Variants in ZNF771 observed in about 807,000 individuals in gnomAD.
ZNF771 encodes the protein zinc finger protein 771.
In ZNF771, 10 loss-of-function variants were observed where a neutral mutation model predicts 27.6. The ratio of observed to expected loss-of-function variants is 0.36; its 90% CI spans 0.22 to 0.61. The LOEUF is 0.61. Ranked by LOEUF, ZNF771 falls within the 20% of genes least tolerant of loss-of-function variation. The pLI is 0.70. For synonymous variants in ZNF771, 261 were observed against 225.2 expected, an observed-to-expected ratio of 1.16 and a Z score of -1.43; for missense variants, 438 against 503.7, an observed-to-expected ratio of 0.87 and a Z score of 1.25.
Position 30,418,318 on chromosome 16 carries a change from C to T in ZNF771, c.905C>T (p.Ala302Val). ...CGRDFKLPPG[A>V]TAATATERCP... ...AGGGACTTCAAGCTGCCCCCTGGCG[C>T]CACGGCCGCCACTGCCACCGAGCGT... Residue 302 changes from alanine to valine, a missense_variant, in exon 3 of 3, where the codon GCC (alanine) becomes GTC (valine). Around this residue, in one of 3 missense-constraint regions of ZNF771, gnomAD observed 305 missense variants for 308.0 expected, o/e 0.99. Coordinates refer to ENST00000319296, the MANE Select transcript of ZNF771 (RefSeq NM_001142305.2). The T allele has an allele frequency of 6.7e-7, 1 of 1,482,714 alleles. No homozygotes were observed. 91.8% of individuals were successfully genotyped at this position (1,482,714 alleles called of 1,614,324 possible).
chr16:30,418,296 G>T lies in ZNF771; in HGVS notation c.883G>T (p.Asp295Tyr), dbSNP rs1301196345. Reference sequence around the variant, plus strand: ...GTATATTTGCGCCGGCTGCGGCAGGGACTTCAAGCTGCCCCCTGGCGCCAC... The same window carrying T: ...GTATATTTGCGCCGGCTGCGGCAGGTACTTCAAGCTGCCCCCTGGCGCCAC... ...RLYICAGCGR[D>Y]FKLPPGATAA... Residue 295 changes from aspartate to tyrosine, a missense_variant, in exon 3 of 3, where the codon GAC becomes TAC. Transcript: ENST00000319296. The T allele has an allele frequency of 6.7e-7, 1 of 1,502,790 alleles. No individual in the cohort carries two copies. Among genetic ancestry groups the T allele is most frequent in the Non-Finnish European group, 8.8e-7 (1 of 1,131,778 alleles). 93.1% of individuals were successfully genotyped at this position (1,502,790 alleles called of 1,614,324 possible). A position where few individuals can be genotyped will look rare whatever the true frequency, so the allele number is the denominator to read the frequency against.
intron 2 of ZNF771, among the ~76,000 whole-genome samples, chr16:30,412,445 G>A (rs1249842573): frequency 1.3e-5 from 2 of 152,154 alleles, no homozygotes; most frequent in African/African-American, 4.8e-5. Flanking sequence ...AAGGGGCCAG[G>A]GGAGGGAGAC....
intron 2 of ZNF771, among the ~76,000 whole-genome samples, chr16:30,409,684 G>T: frequency 6.6e-6 from 1 of 152,170 alleles, no homozygotes; most frequent in East Asian, 1.9e-4. Flanking sequence ...GAGGGGACTA[G>T]CTCCTTAGGC....
In ZNF771 at chr16:30,417,564, G is replaced by A; in HGVS notation, c.151G>A (p.Glu51Lys). 8.2e-7 allele frequency: 1 copy of A among 1,221,692 alleles called. No individual in the cohort carries two copies. Among genetic ancestry groups the A allele is most frequent in the Non-Finnish European group, 1.0e-6 (1 of 983,072 alleles). 75.7% of individuals were successfully genotyped at this position (1,221,692 alleles called of 1,614,324 possible). Reference protein sequence around the residue: ...IPMDNKEVPGEAPAPSADPAR... With the variant: ...IPMDNKEVPGKAPAPSADPAR... ...CCCCCTCTCCCCGCAGGTCCCGGGC[G>A]AGGCGCCCGCGCCGTCCGCCGACCC... Residue 51 changes from glutamate (E) to lysine (K), a missense_variant, in exon 3 of 3, where the codon GAG becomes AAG. By Grantham distance (56) the Glu-to-Lys change is moderately conservative. Transcript: ENST00000319296.
intron 2 of ZNF771, among the ~76,000 whole-genome samples, chr16:30,415,117 C>G (rs1292795769): frequency 6.6e-6 from 1 of 151,410 alleles, no homozygotes; most frequent in African/African-American, 2.4e-5. Context: ...GCCACCACAT[C>G]CAGCTGATTT....
chr16:30,408,201 G>A lies in ZNF771; in HGVS notation c.141+7G>A, dbSNP rs369513743. 6.2e-6 allele frequency: 10 copies of A among 1,613,694 alleles called. No homozygotes were observed. The highest frequency in any genetic ancestry group is 7.6e-6 in the Non-Finnish European group (9 of 1,179,812). On this transcript the variant is annotated splice_region_variant and intron_variant, in intron 2 of 2. Transcript: ENST00000319296. ...CCCCATGGACAACAAGGAGGTATGT[G>A]TCACACACACCCTGGGGCACACTGT...
intron 2 of ZNF771, among the ~76,000 whole-genome samples, chr16:30,410,722 C>T (rs1055825558): frequency 1.3e-5 from 2 of 151,566 alleles, no homozygotes; most frequent in African/African-American, 4.8e-5. Context: ...CATAAGAAGC[C>T]TTAAATCATG....
At position 30,417,927 on chromosome 16, in the gene ZNF771, G is replaced by A. The variant is rs764910111; in HGVS notation, c.514G>A (p.Glu172Lys). 1.3e-6 allele frequency: 2 copies of A among 1,518,828 alleles called. No individual in the cohort carries two copies. Among genetic ancestry groups the A allele is most frequent in the South Asian group, 2.4e-5 (2 of 81,832 alleles). The allele number at this position is 1,518,828 out of a possible 1,614,324, so 94.1% of individuals were successfully genotyped here. Reference protein sequence around the residue: ...YAQHLRVHTGEKPYACPDCGR... With the variant: ...YAQHLRVHTGKKPYACPDCGR... ...ACAGCACCTGCGCGTGCACACGGGC[G>A]AGAAGCCGTACGCGTGCCCGGACTG... Residue 172 changes from glutamate to lysine, a missense_variant, in exon 3 of 3, where the codon GAG becomes AAG. Coordinates refer to ENST00000319296, the MANE Select transcript of ZNF771 (RefSeq NM_001142305.2).
intron 2 of ZNF771, among the ~76,000 whole-genome samples, chr16:30,411,463 G>A (rs2050103223): frequency 6.6e-6 from 1 of 152,204 alleles, no homozygotes; most frequent in Admixed American, 6.6e-5. Flanking sequence ...TTAGGAACCT[G>A]GCTAGAGCCA....
intron 2 of ZNF771, among the ~76,000 whole-genome samples, chr16:30,417,228 T>C (rs1250278031): frequency 6.6e-6 from 1 of 152,224 alleles, no homozygotes; most frequent in Non-Finnish European, 1.5e-5. Context: ...CAGCATTCCT[T>C]ATCCATTATT....
chr16:30,412,016 T>C (rs2050106352), intron 2 of ZNF771, among the ~76,000 whole-genome samples: 1 of 152,204 alleles, frequency 6.6e-6, no homozygotes, highest in South Asian at 2.1e-4. Context: ...CTTGAGTGGT[T>C]TTCTGTTTCC....
chr16:30,416,502 T>G (rs145174360), intron 2 of ZNF771, among the ~76,000 whole-genome samples: 194 of 152,292 alleles, frequency 1.3e-3, no homozygotes, highest in Non-Finnish European at 2.3e-3. Flanking sequence ...ATCTAATCTC[T>G]TATTAAATCT....
At position 30,418,039 on chromosome 16, in the gene ZNF771, G is replaced by A. The variant is rs958615727; in HGVS notation, c.626G>A (p.Gly209Asp). The A allele has an allele frequency of 1.4e-6, 2 of 1,447,112 alleles. No individual in the cohort carries two copies. The highest frequency in any genetic ancestry group is 1.5e-5 in the African/African-American group (1 of 67,080). The allele number at this position is 1,447,112 out of a possible 1,614,324, so 89.6% of individuals were successfully genotyped here. The change falls in exon 3 of 3, where the codon GGC (glycine) becomes GAC (aspartate). Residue 209 changes from glycine to aspartate, a missense_variant. Physicochemically the swap from Gly to Asp is moderately conservative, Grantham distance 94. Coordinates refer to ENST00000319296, the MANE Select transcript of ZNF771 (RefSeq NM_001142305.2). ...CGGCCCTACGCTTGCGCCGACTGCGGCACGCGCTTCGCTCAGAGCTCGGCG... is the reference window on the plus strand; with the variant it reads ...CGGCCCTACGCTTGCGCCGACTGCGACACGCGCTTCGCTCAGAGCTCGGCG... ...GERPYACADC[G>D]TRFAQSSALA...
intron 2 of ZNF771, among the ~76,000 whole-genome samples, chr16:30,415,869 A>G (rs1340171138): frequency 1.3e-5 from 2 of 152,012 alleles, no homozygotes; most frequent in African/African-American, 4.8e-5. Flanking sequence ...TGGGGTTTTG[A>G]GCGTTCTCTT....
Position 30,418,193 on chromosome 16 carries a change from C to A in ZNF771, c.780C>A (p.Pro260=). 6.6e-7 allele frequency: 1 copy of A among 1,505,102 alleles called. No homozygotes were observed. Among genetic ancestry groups the A allele is most frequent in the Non-Finnish European group, 8.8e-7 (1 of 1,133,820 alleles). 93.2% of individuals were successfully genotyped at this position (1,505,102 alleles called of 1,614,324 possible). Reference sequence around the variant, plus strand: ...CGCACACAGGCGAGCGGCCCTACCCCTGCGCCGAGTGCGGCCGCCGCTTCC... The same window carrying A: ...CGCACACAGGCGAGCGGCCCTACCCATGCGCCGAGTGCGGCCGCCGCTTCC... ...ARTHTGERPY[P]CAECGRRFRL... The change falls in exon 3 of 3, where the codon CCC becomes CCA. Residue 260 remains proline (P), a synonymous_variant. Transcript: ENST00000319296.
At chr16:30,412,610 T>C (rs1321980449) in intron 2 of ZNF771, among the ~76,000 whole-genome samples, 2 of 152,030 alleles carry the variant, frequency 1.3e-5, no homozygotes, top group Non-Finnish European at 2.9e-5. Flanking sequence ...CTGGGCAACA[T>C]GGCAAAACCC....
At chr16:30,410,348 G>A (rs556244178) in intron 2 of ZNF771, among the ~76,000 whole-genome samples, 1 of 152,184 alleles carries the variant, frequency 6.6e-6, no homozygotes, top group East Asian at 1.9e-4. Context: ...TGATCCGCCC[G>A]CCTCGGCCTC....
chr16:30,417,310 T>C (rs2050139453), intron 2 of ZNF771, among the ~76,000 whole-genome samples: 1 of 152,254 alleles, frequency 6.6e-6, no homozygotes, highest in Non-Finnish European at 1.5e-5. Flanking sequence ...TCTAGGACAC[T>C]GCATGCCCTC....
At position 30,407,960 on chromosome 16, in the gene ZNF771, G is replaced by A. The variant is rs1597028838; in HGVS notation, c.-9-85G>A. On this transcript the variant is annotated intron_variant, in intron 1 of 2. Transcript: ENST00000319296. ...GGGCGGGAGAAGCCACGGCTGCACT[G>A]CCTTGCTGGGCCAGGGCCACGGTGG... 10 of 1,070,948 alleles carry A rather than the reference G, an allele frequency of 9.3e-6. No individual in the cohort carries two copies. The East Asian group carries it at 2.0e-4, about 21-fold the overall frequency. The allele number at this position is 1,070,948 out of a possible 1,614,324, so 66.3% of individuals were successfully genotyped here.
Sources: allele counts gnomAD v4.1 joint callset (sites outside exome capture counted in the v4.1 genomes callset), GRCh38; gene constraint gnomAD v4.1.1; regional missense constraint gnomAD v4.1.1; transcripts MANE v1.5; gene names NCBI Gene and HGNC (gene_info 2026-07-23, HGNC 2026-07-21).